The following WDFY4 variants were observed in gnomAD, a reference collection of about 807,000 sequenced individuals.
WDFY4 encodes WDFY family member 4, also known as WD repeat- and FYVE domain-containing protein 4.
Under a neutral mutation model 351.9 loss-of-function variants are expected in WDFY4, and 169 were observed. That is an observed-to-expected ratio of 0.48 (90% CI 0.42 to 0.55). The LOEUF (loss-of-function observed/expected upper bound fraction) is 0.55. Ranked by LOEUF, WDFY4 falls within the 20% of genes least tolerant of loss-of-function variation. The probability of loss-of-function intolerance (pLI) is 0.00; values close to 1 mark genes in which losing one functional copy is unlikely to be tolerated. For missense variants in WDFY4, 3,803 were observed against 3,935.6 expected (o/e 0.97, Z 0.90); for synonymous variants, 1,622 against 1,574.6 (o/e 1.03, Z -0.71).
chr10:48,747,481 G>A (rs2065049499), intron 12 of WDFY4, among the ~76,000 whole-genome samples: 1 of 152,042 alleles, frequency 6.6e-6, no homozygotes, highest in South Asian at 2.1e-4. Context: ...ACAATTAGAT[G>A]TATGTTTTAC....
chr10:48,892,387 C>G (rs954884682), intron 44 of WDFY4, among the ~76,000 whole-genome samples: 1 of 152,206 alleles, frequency 6.6e-6, no homozygotes, highest in Non-Finnish European at 1.5e-5. Flanking sequence ...GGAGACTTCT[C>G]ATGTCTGAAA....
intron 39 of WDFY4, among the ~76,000 whole-genome samples, chr10:48,843,820 T>C (rs1221027627): frequency 2.0e-5 from 3 of 152,390 alleles, no homozygotes; most frequent in Middle Eastern, 3.4e-3. Context: ...TCCCAGGAGA[T>C]GTTTTTAATT....
intron 13 of WDFY4, among the ~76,000 whole-genome samples, chr10:48,766,322 G>C (rs1476371750): frequency 6.6e-6 from 1 of 152,198 alleles, no homozygotes; most frequent in Admixed American, 6.6e-5. Flanking sequence ...CAGTTATGGT[G>C]ACTCATGCCT....
Position 48,810,735 on chromosome 10 carries a change from G to A in WDFY4, c.5044G>A (p.Asp1682Asn). The A allele has an allele frequency of 3.9e-6, 6 of 1,525,740 alleles. No homozygotes were observed. The highest frequency in any genetic ancestry group is 5.3e-6 in the Non-Finnish European group (6 of 1,133,436). The allele number at this position is 1,525,740 out of a possible 1,614,324, so 94.5% of individuals were successfully genotyped here. A position where few individuals can be genotyped will look rare whatever the true frequency, so the allele number is the denominator to read the frequency against. ...CACTGAGGGCGTGGATATTGTAATG[G>A]GTGAGCACGTGGCTGTCTCCAGGGA... ...RSTEGVDIVM[D>N]NLKSQSPLPE... The change falls in exon 29 of 62, where the codon GAC becomes AAC. Residue 1682 changes from aspartate to asparagine, a missense_variant and splice_region_variant. Around this residue, in one of 3 missense-constraint regions of WDFY4, gnomAD observed 3,054 missense variants for 3,148.6 expected, o/e 0.97. Transcript: ENST00000325239.
chr10:48,902,938 T>G (rs914798222), intron 47 of WDFY4, among the ~76,000 whole-genome samples: 3 of 152,108 alleles, frequency 2.0e-5, no homozygotes, highest in Non-Finnish European at 4.4e-5. Flanking sequence ...GGTGAAACCC[T>G]GTTTCTATAA....
At chr10:48,781,897 T>G (rs982530130) in intron 19 of WDFY4, among the ~76,000 whole-genome samples, 1 of 152,212 alleles carries the variant, frequency 6.6e-6, no homozygotes, top group African/African-American at 2.4e-5. Context: ...AACATACATA[T>G]AGTATAAAAT....
At chr10:48,969,612 TG>T (rs1842246417) in intron 56 of WDFY4, among the ~76,000 whole-genome samples, 1 of 152,152 alleles carries the variant, frequency 6.6e-6, no homozygotes, top group Non-Finnish European at 1.5e-5. Flanking sequence ...GTTGAGCATT[TG>T]GGGGCTGGCA....
Position 48,948,315 on chromosome 10 carries a change from A to C in WDFY4, c.7977+1346A>C, listed in dbSNP as rs114838108. 4.5e-3 allele frequency among the ~76,000 whole-genome samples: 679 copies of C among 152,358 alleles called. 3 individuals carry two copies. Among genetic ancestry groups the C allele is most frequent in the African/African-American group, 0.016 (651 of 41,576 alleles). ...TTTAAGTAAGTTTGGTTTGGAGAAC[A>C]AATGGTCCCAGAGCTGCACCCCATG... is the stretch of plus-strand genomic sequence containing the variant. On this transcript the variant is annotated intron_variant, in intron 51 of 61. Transcript: ENST00000325239.
chr10:48,907,696 T>G (rs2133445084), intron 47 of WDFY4, among the ~76,000 whole-genome samples: 1 of 152,318 alleles, frequency 6.6e-6, no homozygotes, highest in East Asian at 1.9e-4. Context: ...CTTCCTAGCA[T>G]TTCTCCTCCT....
chr10:48,833,641 G>C (rs1295792670), intron 39 of WDFY4, among the ~76,000 whole-genome samples: 2 of 152,190 alleles, frequency 1.3e-5, no homozygotes, highest in African/African-American at 4.8e-5. Flanking sequence ...GGCTCTTTTG[G>C]AAATGCATGA....
intron 43 of WDFY4, chr10:48,884,053 T>TCCA (rs1438173638): frequency 2.0e-5 from 3 of 152,188 alleles, no homozygotes; most frequent in Non-Finnish European, 4.4e-5. Context: ...CCAGAACCAG[T>TCCA]CCAGAGTCAG....
At chr10:48,901,899 C>A (rs1168994057) in intron 47 of WDFY4, 36 bp downstream of exon 47, 11 of 1,532,840 alleles carry the variant, frequency 7.2e-6, no homozygotes, top group Non-Finnish European at 9.7e-6. Context: ...GGGCATGGCA[C>A]TGCCCTGGCT....
At chr10:48,889,776 C>T (rs1206455492) in intron 43 of WDFY4, among the ~76,000 whole-genome samples, 10 of 152,216 alleles carry the variant, frequency 6.6e-5, no homozygotes, top group Non-Finnish European at 1.3e-4. Flanking sequence ...AGGGCTGGGC[C>T]AGCGGAGAAG....
At chr10:48,733,503 G>A (rs573955594) in intron 9 of WDFY4, among the ~76,000 whole-genome samples, 1 of 152,320 alleles carries the variant, frequency 6.6e-6, no homozygotes, top group African/African-American at 2.4e-5. Context: ...TCCCAAGGAT[G>A]CATGGCAAAC....
At chr10:48,736,779 G>C (rs1377688711) in intron 11 of WDFY4, among the ~76,000 whole-genome samples, 2 of 152,178 alleles carry the variant, frequency 1.3e-5, no homozygotes, top group African/African-American at 2.4e-5. Flanking sequence ...AAGTAGGAGA[G>C]ACCAATGCTG....
chr10:48,705,588 G>GATC (rs2063605631), intron 1 of WDFY4, among the ~76,000 whole-genome samples: 1 of 152,066 alleles, frequency 6.6e-6, no homozygotes, highest in Non-Finnish European at 1.5e-5. Flanking sequence ...GGTGTGGCAC[G>GATC]ATCAGCAGAT....
At chr10:48,720,988 C>T (rs1184156170) in intron 3 of WDFY4, among the ~76,000 whole-genome samples, 1 of 152,124 alleles carries the variant, frequency 6.6e-6, no homozygotes, top group Non-Finnish European at 1.5e-5. Flanking sequence ...AGTCTGATAG[C>T]CGATTAGCTT....
At chr10:48,787,962 T>TCTCCTTCTTCTTCTC (rs2066533608) in intron 20 of WDFY4, among the ~76,000 whole-genome samples, 1 of 103,442 alleles carries the variant, frequency 9.7e-6, no homozygotes. Context: ...TTCTTCTTCT[T>TCTCCTTCTTCTTCTC]CTTCTTCTTC....
At chr10:48,694,757 C>T (rs2063287250) in intron 1 of WDFY4, among the ~76,000 whole-genome samples, 1 of 152,154 alleles carries the variant, frequency 6.6e-6, no homozygotes, top group African/African-American at 2.4e-5. Context: ...ATTTGCCAGA[C>T]ACTCACTCAC....
Sources: allele counts gnomAD v4.1 joint callset (sites outside exome capture counted in the v4.1 genomes callset), GRCh38; gene constraint gnomAD v4.1.1; regional missense constraint gnomAD v4.1.1; transcripts MANE v1.5; gene names NCBI Gene and HGNC (gene_info 2026-07-23, HGNC 2026-07-21).